Variants in GNAS observed in about 807,000 individuals in gnomAD.
GNAS encodes the protein protein ALEX.
GNAS carries 8 observed loss-of-function variants against 54.5 expected under a neutral mutation model. The observed-to-expected ratio is 0.15, with a 90% CI of 0.09 to 0.26. The LOEUF is 0.26. Ranked by LOEUF, GNAS falls within the 10% of genes least tolerant of loss-of-function variation. GNAS has a pLI of 1.00. For missense variants in GNAS, 170 were observed against 529.8 expected, an observed-to-expected ratio of 0.32 and a Z score of 6.67; for synonymous variants, 204 against 191.4, an observed-to-expected ratio of 1.07 and a Z score of -0.54.
In GNAS at chr20:58,841,018, C is replaced by A; in HGVS notation, c.43+132C>A. 1 of 1,070,988 alleles carries A rather than the reference C, an allele frequency of 9.3e-7. No individual in the cohort carries two copies. The highest frequency in any genetic ancestry group is 1.4e-6 in the Non-Finnish European group (1 of 734,402). The allele number at this position is 1,070,988 out of a possible 1,614,324, so 66.3% of individuals were successfully genotyped here. ...GAGGCTCAGCTGGTCAGCCTGGGAT[C>A]GGGGGTCAGGGTGAGGCGGCGAGGG... On this transcript the variant is annotated intron_variant, in intron 1 of 12. Transcript: ENST00000306090. This position sits in a 1 kb window ranked among gnomAD's most constrained non-coding sequence, Gnocchi z 5.0.
Position 58,841,891 on chromosome 20 carries a change from G to T in GNAS, c.43+1005G>T, listed in dbSNP as rs989998669. On this transcript the variant is annotated intron_variant, in intron 1 of 12. Coordinates refer to the GNAS transcript ENST00000306090. The surrounding 1 kb of genome is among the most constrained non-coding windows in gnomAD (Gnocchi z 5.0). ...AAGTGGAAAGGTAAAGCGGAACAAG[G>T]GACAGGCTGGAGACGGGGGTCGCGT... is the stretch of plus-strand genomic sequence containing the variant. 1.6e-6 allele frequency: 2 copies of T among 1,231,346 alleles called. No individual in the cohort carries two copies. The highest frequency in any genetic ancestry group is 2.0e-6 in the Non-Finnish European group (2 of 987,780). 76.3% of individuals were successfully genotyped at this position (1,231,346 alleles called of 1,614,324 possible). A position where few individuals can be genotyped will look rare whatever the true frequency, so the allele number is the denominator to read the frequency against.
intron 1 of GNAS, among the ~76,000 whole-genome samples, chr20:58,862,795 G>T (rs766446273): frequency 1.3e-5 from 2 of 151,816 alleles, no homozygotes; most frequent in African/African-American, 2.4e-5. Flanking sequence ...GCCAGAGAGA[G>T]ATGAGGAGAT....
rs2091370034 is a variant in GNAS at position 58,910,576 on chromosome 20, T to C, written c.1039-107T>C. ...CCCTCTTTTTGCTTTTGTTTTCATA[T>C]GACATCAGAGGCTGGCTGACAGCCG... is the stretch of plus-strand genomic sequence containing the variant. On this transcript the variant is annotated intron_variant, in intron 12 of 12. Coordinates refer to ENST00000371085, the MANE Select transcript of GNAS (RefSeq NM_000516.7). The surrounding 1 kb of genome is among the most constrained non-coding windows in gnomAD (Gnocchi z 5.8). 3 of 1,386,432 alleles carry C rather than the reference T, an allele frequency of 2.2e-6. No individual in the cohort carries two copies. Among genetic ancestry groups the C allele is most frequent in the Non-Finnish European group, 3.1e-6 (3 of 980,260 alleles). The allele number at this position is 1,386,432 out of a possible 1,614,324, so 85.9% of individuals were successfully genotyped here.
chr20:58,841,910 G>T lies in GNAS; in HGVS notation c.43+1024G>T. Reference sequence around the variant, plus strand: ...AACAAGGGACAGGCTGGAGACGGGGGTCGCGTCTAACATCAGGATAACTTA... The same window carrying T: ...AACAAGGGACAGGCTGGAGACGGGGTTCGCGTCTAACATCAGGATAACTTA... On this transcript the variant is annotated intron_variant, in intron 1 of 12. Coordinates refer to the GNAS transcript ENST00000306090. This position sits in a 1 kb window ranked among gnomAD's most constrained non-coding sequence, Gnocchi z 5.0. 8.2e-7 allele frequency: 1 copy of T among 1,224,754 alleles called. No individual in the cohort carries two copies. The highest frequency in any genetic ancestry group is 1.0e-6 in the Non-Finnish European group (1 of 981,616). The allele number at this position is 1,224,754 out of a possible 1,614,324, so 75.9% of individuals were successfully genotyped here.
Position 58,891,679 on chromosome 20 carries a change from CCCG to C in GNAS, c.-37_-35del, listed in dbSNP as rs1170542800. ...CCCGGCCCGCGTGAGGCCGCCCGCG[CCCG>C]CCGCCGCCGCAGCCCGGCCGCGCCC... On this transcript the variant is annotated 5_prime_UTR_variant, in exon 1 of 13. Transcript: ENST00000371085. The C allele has an allele frequency of 6.2e-6, 6 of 973,384 alleles. No individual in the cohort carries two copies. The highest frequency in any genetic ancestry group is 6.1e-6 in the Non-Finnish European group (5 of 823,908). The allele number at this position is 973,384 out of a possible 1,614,324, so 60.3% of individuals were successfully genotyped here. A position where few individuals can be genotyped will look rare whatever the true frequency, so the allele number is the denominator to read the frequency against.
rs60022134 is a variant in GNAS, at chr20:58,902,725, C to CTTTTTTTTTTTTTTTTTTTTTT, written c.258-799_258-778dup. 1.9e-4 allele frequency among the ~76,000 whole-genome samples: 13 copies of CTTTTTTTTTTTTTTTTTTTTTT among 69,486 alleles called. 3 individuals are homozygous for CTTTTTTTTTTTTTTTTTTTTTT. Among genetic ancestry groups the CTTTTTTTTTTTTTTTTTTTTTT allele is most frequent in the African/African-American group, 6.7e-4 (10 of 14,992 alleles). 45.6% of individuals were successfully genotyped at this position (69,486 alleles called of 152,430 possible). On this transcript the variant is annotated intron_variant, in intron 3 of 12. Transcript: ENST00000371085. ...AGTGCCTGGAGCATCGCACATACGA[C>CTTTTTTTTTTTTTTTTTTTTTT]TTTTTTTTTTTTTTTTTTTTTTTTT... is the stretch of plus-strand genomic sequence containing the variant.
chr20:58,862,690 T>TACAAAA (rs1363213453), intron 1 of GNAS, among the ~76,000 whole-genome samples: 5 of 151,824 alleles, frequency 3.3e-5, no homozygotes, highest in African/African-American at 1.2e-4. Context: ...ACATTCTTTG[T>TACAAAA]TTACATTTTG....
chr20:58,854,890 C>T, intron 1 of GNAS: 1 of 1,594,166 alleles, frequency 6.3e-7, no homozygotes, highest in Non-Finnish European at 8.5e-7. Flanking sequence ...GATCCGCCTA[C>T]TCCGCGGCCT....
chr20:58,862,709 G>T (rs2086843517), intron 1 of GNAS, among the ~76,000 whole-genome samples: 1 of 151,630 alleles, frequency 6.6e-6, no homozygotes, highest in South Asian at 2.1e-4. Flanking sequence ...TGTAAATAAA[G>T]GTCAACTCAA....
rs896670923 is a variant in GNAS at position 58,903,053 on chromosome 20, A to G, written c.258-478A>G. 3.2e-5 allele frequency: 10 copies of G among 310,380 alleles called. 1 individual carries two copies. Among genetic ancestry groups the G allele is most frequent in the South Asian group, 1.2e-4 (4 of 34,478 alleles). The allele number at this position is 310,380 out of a possible 1,614,324, so 19.2% of individuals were successfully genotyped here. A position where few individuals can be genotyped will look rare whatever the true frequency, so the allele number is the denominator to read the frequency against. Reference sequence around the variant, plus strand: ...ACCCGGGCTCCTGTAATGAACTATTATAAACACCACCACCTGTGCTCACTG... The same window carrying G: ...ACCCGGGCTCCTGTAATGAACTATTGTAAACACCACCACCTGTGCTCACTG... On this transcript the variant is annotated intron_variant, in intron 3 of 12. Coordinates refer to ENST00000371085, the MANE Select transcript of GNAS (RefSeq NM_000516.7).
chr20:58,872,726 A>T (rs927145698), intron 1 of GNAS, among the ~76,000 whole-genome samples: 1 of 151,584 alleles, frequency 6.6e-6, no homozygotes, highest in Non-Finnish European at 1.5e-5. Context: ...GACAAGGTTG[A>T]TTGCTCTGTG....
chr20:58,877,816 A>G (rs2087930595), intron 1 of GNAS, among the ~76,000 whole-genome samples: 1 of 152,206 alleles, frequency 6.6e-6, no homozygotes, highest in African/African-American at 2.4e-5. Context: ...GGAGGCACCT[A>G]TTGTGTTGCC....
At chr20:58,864,694 C>A (rs971447552) in intron 1 of GNAS, among the ~76,000 whole-genome samples, 2 of 152,112 alleles carry the variant, frequency 1.3e-5, no homozygotes, top group South Asian at 2.1e-4. Context: ...AATGCCAGCC[C>A]CCACCCCAGG....
At chr20:58,903,274 T>C (rs890841028) in intron 3 of GNAS, 2 of 580,978 alleles carry the variant, frequency 3.4e-6, no homozygotes, top group Non-Finnish European at 6.2e-6. Flanking sequence ...ATGAGCTGCA[T>C]GCAACTTCTG....
chr20:58,879,219 G>A (rs2145776384), intron 1 of GNAS, among the ~76,000 whole-genome samples: 1 of 152,258 alleles, frequency 6.6e-6, no homozygotes. Flanking sequence ...ACATTTTACA[G>A]AGCACTAAAA....
upstream of GNAS, chr20:58,889,053 C>T (rs1215271735): frequency 7.9e-6 from 8 of 1,007,876 alleles, no homozygotes; most frequent in Non-Finnish European, 9.5e-6. Context: ...TTGGGTGCGT[C>T]CCCGGTGGGC....
Position 58,840,908 on chromosome 20 carries a change from TG to T in GNAS, c.43+26del, listed in dbSNP as rs760317470. Reference sequence around the variant, plus strand: ...TCAGGTTAGTTGCCCACCGCTAAACTGGGGAGCCTGAGGGCGGTGTGGGAGC... The same window carrying T: ...TCAGGTTAGTTGCCCACCGCTAAACTGGGAGCCTGAGGGCGGTGTGGGAGC... On this transcript the variant is annotated intron_variant, in intron 1 of 12. Coordinates refer to the GNAS transcript ENST00000306090. This position sits in a 1 kb window ranked among gnomAD's most constrained non-coding sequence, Gnocchi z 6.0. 2 of 1,610,992 alleles carry T rather than the reference TG, an allele frequency of 1.2e-6. No homozygotes were observed. The highest frequency in any genetic ancestry group is 1.7e-6 in the Non-Finnish European group (2 of 1,179,118).
chr20:58,858,920 A>G (rs1177818370), intron 1 of GNAS, among the ~76,000 whole-genome samples: 1 of 152,030 alleles, frequency 6.6e-6, no homozygotes, highest in Non-Finnish European at 1.5e-5. Flanking sequence ...TAGATTTATT[A>G]TTTTCTCTTT....
upstream of GNAS, among the ~76,000 whole-genome samples, chr20:58,887,016 T>C (rs1013903181): frequency 2.0e-5 from 3 of 152,234 alleles, no homozygotes; most frequent in Non-Finnish European, 2.9e-5. Context: ...ATAGTCCCAA[T>C]TGTGCCTTGC....
Sources: allele counts gnomAD v4.1 joint callset (sites outside exome capture counted in the v4.1 genomes callset), GRCh38; gene constraint gnomAD v4.1.1; non-coding constraint Gnocchi (gnomAD v3.1); transcripts MANE v1.5; gene names NCBI Gene and HGNC (gene_info 2026-07-23, HGNC 2026-07-21).